The following ANK2 variants were observed in gnomAD, a reference collection of about 807,000 sequenced individuals.
The protein encoded by ANK2 is ankyrin 2.
ANK2 carries 83 observed loss-of-function variants against 360.5 expected under a neutral mutation model. The observed-to-expected ratio is 0.23, with a 90% CI of 0.19 to 0.28. The LOEUF (loss-of-function observed/expected upper bound fraction) is 0.28. ANK2 is among the 10% of genes least tolerant of loss of function. The pLI is 1.00. For synonymous variants in ANK2, 1,740 were observed against 1,759.5 expected (o/e 0.99, Z 0.28); for missense variants, 4,201 against 4,795.7 (o/e 0.88, Z 3.66).
intron 1 of ANK2, among the ~76,000 whole-genome samples, chr4:112,863,585 C>G (rs1168196729): frequency 3.6e-4 from 51 of 139,812 alleles, no homozygotes; most frequent in Admixed American, 1.8e-3. Flanking sequence ...TGCAGTGGCG[C>G]GATCTCGGCT....
At chr4:113,250,364 T>C (rs1396571693) in intron 10 of ANK2, among the ~76,000 whole-genome samples, 2 of 152,186 alleles carry the variant, frequency 1.3e-5, no homozygotes, top group African/African-American at 2.4e-5. Flanking sequence ...ATTTGGAAAG[T>C]ACAAGTTGCA....
intron 23 of ANK2, among the ~76,000 whole-genome samples, chr4:113,304,087 G>A (rs974281247): frequency 2.0e-5 from 3 of 152,134 alleles, no homozygotes; most frequent in African/African-American, 7.2e-5. Context: ...GTATTCCCAA[G>A]GCCAGCAGTT....
At chr4:112,844,885 G>A (rs1173560618) in intron 1 of ANK2, among the ~76,000 whole-genome samples, 1 of 152,150 alleles carries the variant, frequency 6.6e-6, no homozygotes, top group East Asian at 1.9e-4. Flanking sequence ...GAATCAATGA[G>A]AAAATCCTCT....
intron 39 of ANK2, among the ~76,000 whole-genome samples, chr4:113,361,405 A>G (rs1197663931): frequency 6.6e-6 from 1 of 152,100 alleles, no homozygotes; most frequent in Non-Finnish European, 1.5e-5. Context: ...TTTTATGTTA[A>G]TAATTTATTA....
At chr4:112,928,272 C>T (rs1350393262) in intron 2 of ANK2, among the ~76,000 whole-genome samples, 1 of 151,582 alleles carries the variant, frequency 6.6e-6, no homozygotes, top group Non-Finnish European at 1.5e-5. Context: ...TTTCATTTTT[C>T]TAAGCTGATA....
At chr4:112,965,117 A>C (rs191287157) in intron 2 of ANK2, among the ~76,000 whole-genome samples, 210 of 152,324 alleles carry the variant, frequency 1.4e-3, no homozygotes, top group African/African-American at 4.9e-3. Context: ...CATTTTTGTC[A>C]ATAGTATATT....
intron 2 of ANK2, among the ~76,000 whole-genome samples, chr4:113,006,889 A>G (rs1425017837): frequency 6.6e-6 from 1 of 152,192 alleles, no homozygotes; most frequent in Non-Finnish European, 1.5e-5. Context: ...TGAATCCATT[A>G]TGAACCTGAC....
chr4:113,341,975 G>A (rs1213729016), intron 33 of ANK2, 59 bp downstream of exon 33: 23 of 1,331,904 alleles, frequency 1.7e-5, no homozygotes, highest in Non-Finnish European at 2.1e-5. Context: ...TGCATTAATA[G>A]ATTACATTTC....
At chr4:112,788,792 A>C in the ANK2 span, 1 of 1,306,682 alleles carries the variant, frequency 7.7e-7, no homozygotes, top group Non-Finnish European at 1.1e-6. Context: ...CAAACAGGGG[A>C]TTCACCACTT....
intron 2 of ANK2, among the ~76,000 whole-genome samples, chr4:113,041,157 G>T (rs752675416): frequency 1.3e-5 from 2 of 152,000 alleles, no homozygotes; most frequent in Non-Finnish European, 2.9e-5. Context: ...TATAAGGAAT[G>T]CTCTTTACAA....
At chr4:113,189,909 A>C (rs535002472) in intron 2 of ANK2, among the ~76,000 whole-genome samples, 5 of 152,298 alleles carry the variant, frequency 3.3e-5, no homozygotes, top group Middle Eastern at 6.8e-3. Flanking sequence ...GTTCATTGAA[A>C]TGTTAAATGA....
At chr4:112,747,773 T>C in the ANK2 span, among the ~76,000 whole-genome samples, 3 of 152,136 alleles carry the variant, frequency 2.0e-5, no homozygotes, top group Non-Finnish European at 2.9e-5. Context: ...AGACATTAAA[T>C]ACCAGACTTT....
chr4:112,933,867 A>C (rs2154239951), intron 2 of ANK2, among the ~76,000 whole-genome samples: 1 of 152,318 alleles, frequency 6.6e-6, no homozygotes, highest in South Asian at 2.1e-4. Flanking sequence ...ATAAGGTACA[A>C]ATAATTAATG....
At chr4:112,819,372 A>C (rs1012767997) in intron 1 of ANK2, among the ~76,000 whole-genome samples, 1 of 152,196 alleles carries the variant, frequency 6.6e-6, no homozygotes, top group African/African-American at 2.4e-5. Context: ...TTTTTAAAGG[A>C]AGAGAACCTA....
intron 1 of ANK2, among the ~76,000 whole-genome samples, chr4:113,128,235 T>C (rs781310892): frequency 6.6e-6 from 1 of 152,232 alleles, no homozygotes; most frequent in Non-Finnish European, 1.5e-5. Flanking sequence ...AAATTCTGGA[T>C]GTCTGATCCC....
At chr4:113,208,187 C>T (rs62313185) in intron 4 of ANK2, among the ~76,000 whole-genome samples, 58 of 151,948 alleles carry the variant, frequency 3.8e-4, no homozygotes, top group Non-Finnish European at 5.3e-4. Flanking sequence ...AAAACATGAC[C>T]CTGGTGCAGC....
intron 2 of ANK2, among the ~76,000 whole-genome samples, chr4:113,018,166 T>C (rs1374868837): frequency 7.2e-5 from 11 of 152,228 alleles, no homozygotes; most frequent in African/African-American, 2.7e-4. Context: ...CAAACCACTG[T>C]TCTGTAGCCG....
intron 2 of ANK2, among the ~76,000 whole-genome samples, chr4:112,926,615 G>A (rs1489686650): frequency 6.6e-6 from 1 of 152,132 alleles, no homozygotes; most frequent in Non-Finnish European, 1.5e-5. Context: ...CTCTTTCTAA[G>A]CTATTTTATA....
At chr4:113,258,651 T>G (rs552464291) in intron 13 of ANK2, among the ~76,000 whole-genome samples, 1 of 152,328 alleles carries the variant, frequency 6.6e-6, no homozygotes, top group East Asian at 1.9e-4. Flanking sequence ...CTTAAGACTC[T>G]GGGTGTAGGT....
Sources: gnomAD v4.1 joint callset for allele counts (sites outside exome capture counted in the v4.1 genomes callset) on GRCh38, gnomAD v4.1.1 for gene constraint, MANE v1.5 for transcripts, NCBI Gene and HGNC (gene_info 2026-07-23, HGNC 2026-07-21) for gene names.